The following PUM2 variants were observed in gnomAD, a reference collection of about 807,000 sequenced individuals.
PUM2 encodes the protein pumilio homolog 2.
A neutral mutation model predicts 124.5 loss-of-function variants in PUM2; 57 were observed. The observed-to-expected ratio is 0.46, with a 90% CI of 0.37 to 0.57. The LOEUF is 0.57. Ranked by LOEUF, PUM2 falls within the 20% of genes least tolerant of loss-of-function variation. The pLI is 0.00. For synonymous variants in PUM2, 460 were observed against 446.1 expected, an observed-to-expected ratio of 1.03 and a Z score of -0.39; for missense variants, 1,065 against 1,290.6, an observed-to-expected ratio of 0.83 and a Z score of 2.68.
chr2:20,342,397 G>A (rs1687403494), intron 1 of PUM2, among the ~76,000 whole-genome samples: 1 of 152,136 alleles, frequency 6.6e-6, no homozygotes. Flanking sequence ...CTGAGTACAT[G>A]TTCAATCTTT....
intron 12 of PUM2, among the ~76,000 whole-genome samples, chr2:20,281,501 A>G (rs1671511545): frequency 6.6e-6 from 1 of 152,210 alleles, no homozygotes; most frequent in South Asian, 2.1e-4. Context: ...TTTAGGGCCT[A>G]CAATTTATAA....
chr2:20,262,623 G>A (rs2148561038), intron 14 of PUM2, among the ~76,000 whole-genome samples: 1 of 152,174 alleles, frequency 6.6e-6, no homozygotes, highest in East Asian at 1.9e-4. Context: ...AAAAACTTGA[G>A]GTTTACCTTA....
chr2:20,270,699 T>C (rs1170489851), intron 13 of PUM2, among the ~76,000 whole-genome samples: 1 of 152,208 alleles, frequency 6.6e-6, no homozygotes, highest in African/African-American at 2.4e-5. Context: ...TATAGTAATC[T>C]ATGTAGGATA....
intron 3 of PUM2, among the ~76,000 whole-genome samples, chr2:20,316,143 T>C (rs1303018787): frequency 6.6e-6 from 1 of 152,210 alleles, no homozygotes; most frequent in African/African-American, 2.4e-5. Context: ...AAACCTGGCA[T>C]ATTATGTATC....
At chr2:20,296,661 T>A (rs1572779319) in intron 8 of PUM2, among the ~76,000 whole-genome samples, 1 of 121,954 alleles carries the variant, frequency 8.2e-6, no homozygotes, top group Non-Finnish European at 1.6e-5. Context: ...ATTAGCAGAC[T>A]CATTCCAATA....
chr2:20,349,369 A>C (rs1688859723), intron 1 of PUM2, among the ~76,000 whole-genome samples: 1 of 152,244 alleles, frequency 6.6e-6, no homozygotes, highest in Non-Finnish European at 1.5e-5. Context: ...AATTCTACAC[A>C]ATGCAATTTC....
intron 1 of PUM2, among the ~76,000 whole-genome samples, chr2:20,329,447 AAAAAG>A (rs1389462662): frequency 1.3e-5 from 2 of 151,788 alleles, no homozygotes; most frequent in African/African-American, 4.8e-5. Context: ...AAAAAAAAAA[AAAAAG>A]AAAAGACAAA....
chr2:20,349,113 C>T (rs770638695), intron 1 of PUM2, among the ~76,000 whole-genome samples: 1 of 152,150 alleles, frequency 6.6e-6, no homozygotes, highest in Non-Finnish European at 1.5e-5. Flanking sequence ...TGAAATCTTG[C>T]TAAATGCTGA....
chr2:20,302,577 C>A (rs1677251682), intron 7 of PUM2, among the ~76,000 whole-genome samples: 2 of 152,150 alleles, frequency 1.3e-5, no homozygotes, highest in Admixed American at 1.3e-4. Context: ...CTACCCTAAA[C>A]AAGCATGCAT....
chr2:20,262,640 T>C (rs1168475524), intron 14 of PUM2, among the ~76,000 whole-genome samples: 1 of 152,238 alleles, frequency 6.6e-6, no homozygotes, highest in Non-Finnish European at 1.5e-5. Flanking sequence ...CTTAAAGCTA[T>C]AAAGAGAGAA....
chr2:20,304,049 A>G (rs1226653304), intron 7 of PUM2, among the ~76,000 whole-genome samples: 1 of 152,132 alleles, frequency 6.6e-6, no homozygotes, highest in Non-Finnish European at 1.5e-5. Flanking sequence ...TCTTGCACTC[A>G]CTTGTTCATT....
chr2:20,313,184 C>T (rs935943905), intron 3 of PUM2, among the ~76,000 whole-genome samples: 40 of 152,300 alleles, frequency 2.6e-4, no homozygotes, highest in African/African-American at 9.4e-4. Context: ...ACACCAAAAG[C>T]AATGGCAACA....
intron 1 of PUM2, among the ~76,000 whole-genome samples, chr2:20,343,075 G>C (rs1687533806): frequency 6.6e-6 from 1 of 151,846 alleles, no homozygotes; most frequent in Non-Finnish European, 1.5e-5. Flanking sequence ...CAACCTCTAG[G>C]GTTACAGTAG....
intron 1 of PUM2, among the ~76,000 whole-genome samples, chr2:20,340,458 T>G (rs1259115854): frequency 6.6e-6 from 1 of 152,210 alleles, no homozygotes; most frequent in African/African-American, 2.4e-5. Context: ...CTAACAGATG[T>G]AGTCTGGAAA....
intron 15 of PUM2, among the ~76,000 whole-genome samples, chr2:20,259,708 G>A (rs1480470943): frequency 3.4e-4 from 52 of 152,036 alleles, no homozygotes; most frequent in Admixed American, 3.3e-3. Flanking sequence ...GGCTGTTTCC[G>A]CCTTTTGGCT....
intron 13 of PUM2, among the ~76,000 whole-genome samples, chr2:20,268,641 AAT>A (rs72044779): frequency 1.3e-4 from 19 of 150,244 alleles, no homozygotes; most frequent in South Asian, 2.1e-4. Flanking sequence ...AAACAAACAA[AAT>A]ATATATATAT....
intron 2 of PUM2, among the ~76,000 whole-genome samples, chr2:20,326,605 T>C (rs1683737718): frequency 6.6e-6 from 1 of 152,200 alleles, no homozygotes; most frequent in South Asian, 2.1e-4. Flanking sequence ...ATTAGCTATA[T>C]GAAAAATGAA....
chr2:20,311,850 A>G (rs560092558), intron 4 of PUM2, among the ~76,000 whole-genome samples, 187 bp from the exon 5 acceptor site: 1 of 152,314 alleles, frequency 6.6e-6, no homozygotes, highest in African/African-American at 2.4e-5. Flanking sequence ...TTATAACAGA[A>G]GGGCTAAGGC....
rs1489354609 is a variant in PUM2, at chr2:20,283,319, C to G, written c.1435+24G>C. On this transcript the variant is annotated intron_variant, in intron 11 of 20. Coordinates refer to ENST00000361078, the MANE Select transcript of PUM2 (RefSeq NM_015317.5). ...TATCTCAACACCAGAAAAATATTAT[C>G]CTAAAAATGTCAGTTACACTTACCA... 3.1e-6 allele frequency: 5 copies of G among 1,611,882 alleles called. No individual in the cohort carries two copies. In the Admixed American group the frequency reaches 8.4e-5, roughly 27 times the overall value.
Sources: allele counts gnomAD v4.1 joint callset (sites outside exome capture counted in the v4.1 genomes callset), GRCh38; gene constraint gnomAD v4.1.1; transcripts MANE v1.5; gene names NCBI Gene and HGNC (gene_info 2026-07-23, HGNC 2026-07-21).